Variants in PLXNA4 observed in about 807,000 individuals in gnomAD.
PLXNA4 encodes plexin A4.
In PLXNA4, 44 loss-of-function variants were observed where a neutral mutation model predicts 191.8. The ratio of observed to expected loss-of-function variants is 0.23; its 90% CI spans 0.18 to 0.29. PLXNA4 has a LOEUF of 0.29. PLXNA4 is among the 10% of genes least tolerant of loss of function. PLXNA4 has a pLI of 1.00. For missense variants in PLXNA4, 1,800 were observed against 2,488.8 expected (o/e 0.72, Z 5.89); for synonymous variants, 1,082 against 1,009.5 (o/e 1.07, Z -1.36).
At chr7:132,233,378 T>G (rs923384455) in intron 5 of PLXNA4, among the ~76,000 whole-genome samples, 7 of 152,164 alleles carry the variant, frequency 4.6e-5, no homozygotes, top group Non-Finnish European at 1.0e-4. Flanking sequence ...GTTTCTTATA[T>G]GTAGGGGTAG....
intron 18 of PLXNA4, 140 bp from the exon 19 acceptor site, chr7:132,180,872 A>G: frequency 7.3e-7 from 1 of 1,372,532 alleles, no homozygotes; most frequent in South Asian, 1.5e-5. Context: ...AGTGCAAAAA[A>G]TATTCATGGC....
Position 132,164,205 on chromosome 7 carries a change from G to C in PLXNA4, c.4437C>G (p.Gly1479=). 6.2e-7 allele frequency: 1 copy of C among 1,614,222 alleles called. No homozygotes were observed. The highest frequency in any genetic ancestry group is 8.5e-7 in the Non-Finnish European group (1 of 1,180,048). ...CCTCGCTCAAGGAGTAGCGGGCCTC[G>C]CCCGTGATGGCGTCAATGGGGCCCT... ...MEKGPIDAIT[G]EARYSLSEDK... The change falls in exon 24 of 32, where the codon GGC becomes GGG. Residue 1479 remains glycine, a synonymous_variant. Coordinates refer to ENST00000321063, the MANE Select transcript of PLXNA4 (RefSeq NM_020911.2).
intron 3 of PLXNA4, among the ~76,000 whole-genome samples, chr7:132,315,751 T>C (rs1360588046): frequency 6.6e-6 from 1 of 152,082 alleles, no homozygotes; most frequent in Non-Finnish European, 1.5e-5. Context: ...TGTGAGCTGA[T>C]TGTTAGGAGG....
At chr7:132,131,924 C>A (rs1360912610) in intron 31 of PLXNA4, among the ~76,000 whole-genome samples, 1 of 152,204 alleles carries the variant, frequency 6.6e-6, no homozygotes, top group Non-Finnish European at 1.5e-5. Flanking sequence ...GGCCTTGGGC[C>A]TGCTGGGTCT....
intron 2 of PLXNA4, among the ~76,000 whole-genome samples, chr7:132,630,487 T>C (rs549420172): frequency 1.1e-4 from 16 of 152,150 alleles, no homozygotes; most frequent in Middle Eastern, 3.4e-3. Context: ...TTTGTAAACA[T>C]TGTTTGTCCA....
intron 3 of PLXNA4, among the ~76,000 whole-genome samples, chr7:132,460,038 G>A (rs1032710894): frequency 2.6e-5 from 4 of 151,632 alleles, no homozygotes; most frequent in Admixed American, 2.0e-4. Flanking sequence ...TTATGGCTGT[G>A]TACAATTCAG....
rs1794843361 is a variant in PLXNA4 at position 132,128,570 on chromosome 7, G to C, written c.*1909C>G. 1 of 152,158 alleles carries C rather than the reference G, an allele frequency of 6.6e-6. No homozygotes were observed. Among genetic ancestry groups the C allele is most frequent in the African/African-American group, 2.4e-5 (1 of 41,412 alleles). The allele number at this position is 152,158 out of a possible 1,614,324, so 9.4% of individuals were successfully genotyped here. A position where few individuals can be genotyped will look rare whatever the true frequency, so the allele number is the denominator to read the frequency against. ...ACACTTCAAAAATCCTCCTACAAAG[G>C]ACAAGAAATCCTTTTGAGCTTTCCG... On this transcript the variant is annotated 3_prime_UTR_variant, in exon 32 of 32. Coordinates refer to ENST00000321063, the MANE Select transcript of PLXNA4 (RefSeq NM_020911.2).
At chr7:132,203,581 C>T (rs1797515594) in intron 10 of PLXNA4, among the ~76,000 whole-genome samples, 162 bp from the exon 11 acceptor site, 1 of 152,220 alleles carries the variant, frequency 6.6e-6, no homozygotes, top group Non-Finnish European at 1.5e-5. Context: ...CAAGTATGCA[C>T]ATGCACATGT....
intron 3 of PLXNA4, among the ~76,000 whole-genome samples, chr7:132,365,360 T>TGTGTGTGTGTGTGTGTGCGC: frequency 7.0e-5 from 9 of 128,742 alleles, no homozygotes; most frequent in South Asian, 2.4e-4. Context: ...TGTGTGTGTG[T>TGTGTGTGTGTGTGTGTGCGC]GCGTGCGCGC....
At chr7:132,480,541 C>T (rs1248078025) in intron 3 of PLXNA4, among the ~76,000 whole-genome samples, 3 of 152,024 alleles carry the variant, frequency 2.0e-5, no homozygotes, top group Non-Finnish European at 2.9e-5. Flanking sequence ...GGGACAATTC[C>T]GGTGAGAAAC....
chr7:132,576,602 G>A (rs1270634561), upstream of PLXNA4: 9 of 985,864 alleles, frequency 9.1e-6, no homozygotes, highest in Non-Finnish European at 1.1e-5. The surrounding 1 kb of genome is among the most constrained non-coding windows in gnomAD (Gnocchi z 5.8). Context: ...GGGAGCAGCC[G>A]AGGAACGCGG....
chr7:132,601,881 G>C (rs1585397843), intron 2 of PLXNA4, among the ~76,000 whole-genome samples: 1 of 152,322 alleles, frequency 6.6e-6, no homozygotes. Flanking sequence ...AAAGATCTAA[G>C]AAAGAAGTTG....
At position 132,177,988 on chromosome 7, in the gene PLXNA4, C is replaced by G. The variant is rs1309172251; in HGVS notation, c.3874+1699G>C. 2.0e-5 allele frequency among the ~76,000 whole-genome samples: 3 copies of G among 152,180 alleles called. No homozygotes were observed. The East Asian group carries it at 5.8e-4, about 29-fold the overall frequency. ...CCATGTACAAATCTACAGCAAAGAA[C>G]CAGCTCAGATCCTCCCAGGATGAGT... On this transcript the variant is annotated intron_variant, in intron 20 of 31. Coordinates refer to ENST00000321063, the MANE Select transcript of PLXNA4 (RefSeq NM_020911.2).
chr7:132,178,278 A>T (rs1796542913), intron 20 of PLXNA4, among the ~76,000 whole-genome samples: 1 of 151,966 alleles, frequency 6.6e-6, no homozygotes, highest in Non-Finnish European at 1.5e-5. Flanking sequence ...CCAGGATTCC[A>T]GGTATGGAGG....
intron 3 of PLXNA4, among the ~76,000 whole-genome samples, chr7:132,463,098 C>G (rs182068157): frequency 4.6e-5 from 7 of 152,044 alleles, no homozygotes; most frequent in Non-Finnish European, 7.4e-5. Context: ...GATCCACCCC[C>G]CTTCAGCCTC....
intron 1 of PLXNA4, among the ~76,000 whole-genome samples, chr7:132,512,708 GC>G (rs761303636): frequency 3.4e-4 from 52 of 152,264 alleles, no homozygotes; most frequent in Non-Finnish European, 5.9e-4. Flanking sequence ...AGAGCCACCA[GC>G]CCCCTGTCTC....
intron 2 of PLXNA4, among the ~76,000 whole-genome samples, chr7:132,642,963 G>A (rs1184701555): frequency 6.6e-6 from 1 of 151,800 alleles, no homozygotes; most frequent in East Asian, 1.9e-4. Flanking sequence ...ATATGTGCTA[G>A]ACTATTTCTT....
rs760090549 is a variant in PLXNA4, at chr7:132,159,453, T to C, written c.4660+20A>G. 1 of 1,613,292 alleles carries C rather than the reference T, an allele frequency of 6.2e-7. No homozygotes were observed. Among genetic ancestry groups the C allele is most frequent in the South Asian group, 1.1e-5 (1 of 90,908 alleles). ...CAGGAGCAGCCACAAGGACAGCCCC[T>C]GGGTGGACAGCCTACTCACCCAGAT... is the stretch of plus-strand genomic sequence containing the variant. On this transcript the variant is annotated intron_variant, in intron 25 of 31. Coordinates refer to ENST00000321063, the MANE Select transcript of PLXNA4 (RefSeq NM_020911.2).
intron 4 of PLXNA4, among the ~76,000 whole-genome samples, chr7:132,290,285 T>A (rs1800836593): frequency 6.6e-6 from 1 of 152,206 alleles, no homozygotes; most frequent in Non-Finnish European, 1.5e-5. Context: ...GGCTGGTGTG[T>A]GGAGAGGCAG....
Sources: allele counts gnomAD v4.1 joint callset (sites outside exome capture counted in the v4.1 genomes callset), GRCh38; gene constraint gnomAD v4.1.1; non-coding constraint Gnocchi (gnomAD v3.1); transcripts MANE v1.5; gene names NCBI Gene and HGNC (gene_info 2026-07-23, HGNC 2026-07-21).